CLNK: variants seen among roughly 807,000 people sequenced by gnomAD.
CLNK encodes the protein cytokine-dependent hematopoietic cell linker.
Under a neutral mutation model 68.6 loss-of-function variants are expected in CLNK, and 74 were observed. The ratio of observed to expected loss-of-function variants is 1.08; its 90% CI spans 0.89 to 1.31. The LOEUF is 1.31. Ranked by LOEUF, CLNK falls within the 50% of genes most tolerant of loss-of-function variation. The pLI, the probability that CLNK is intolerant of heterozygous loss-of-function variation, is 0.00. For synonymous variants in CLNK, 198 were observed against 172.2 expected (o/e 1.15, Z -1.17); for missense variants, 553 against 515.3 (o/e 1.07, Z -0.71).
intron 12 of CLNK, among the ~76,000 whole-genome samples, chr4:10,529,771 A>C (rs1718463804): frequency 6.6e-6 from 1 of 152,196 alleles, no homozygotes; most frequent in Non-Finnish European, 1.5e-5. Context: ...AGATGAGAAC[A>C]GTGCAGAGAA....
chr4:10,526,845 G>A (rs1397540470), intron 13 of CLNK, among the ~76,000 whole-genome samples: 1 of 152,116 alleles, frequency 6.6e-6, no homozygotes, highest in Middle Eastern at 3.4e-3. Flanking sequence ...GATTTAACTA[G>A]CCATCCAGAA....
intron 9 of CLNK, 31 bp from the exon 10 acceptor site, chr4:10,542,072 T>C: frequency 1.3e-6 from 2 of 1,575,288 alleles, no homozygotes; most frequent in Non-Finnish European, 1.7e-6. Flanking sequence ...CTAAATTAAG[T>C]TTATTGTTCT....
At chr4:10,711,148 C>T in the CLNK span, among the ~76,000 whole-genome samples, 1 of 152,160 alleles carries the variant, frequency 6.6e-6, no homozygotes. Context: ...TCCTCTGTCT[C>T]TAAAGTTATG....
chr4:10,610,015 C>G (rs1199776472), intron 2 of CLNK, among the ~76,000 whole-genome samples: 1 of 142,524 alleles, frequency 7.0e-6, no homozygotes. Flanking sequence ...TCGTTATGTG[C>G]CTTTTAAATG....
chr4:10,644,758 C>G (rs534154413), intron 2 of CLNK, among the ~76,000 whole-genome samples: 2 of 152,340 alleles, frequency 1.3e-5, no homozygotes, highest in African/African-American at 4.8e-5. Flanking sequence ...TTTTCCTTTT[C>G]TCACTGACTT....
chr4:10,661,203 A>G (rs1242343267), intron 2 of CLNK, among the ~76,000 whole-genome samples: 1 of 152,176 alleles, frequency 6.6e-6, no homozygotes, highest in Non-Finnish European at 1.5e-5. Flanking sequence ...TGGAGTTTAC[A>G]TGGAGTTTTA....
intron 2 of CLNK, among the ~76,000 whole-genome samples, chr4:10,608,272 T>C (rs1721862766): frequency 6.6e-6 from 1 of 152,254 alleles, no homozygotes. Flanking sequence ...CTGAACTTCC[T>C]GCTCAGCTGA....
At chr4:10,726,234 G>A in the CLNK span, among the ~76,000 whole-genome samples, 1 of 152,132 alleles carries the variant, frequency 6.6e-6, no homozygotes, top group Non-Finnish European at 1.5e-5. Flanking sequence ...CGATTCTCCT[G>A]CCTCACGCCT....
chr4:10,558,506 C>T, intron 7 of CLNK, 54 bp from the exon 8 acceptor site: 3 of 1,531,866 alleles, frequency 2.0e-6, no homozygotes, highest in Non-Finnish European at 2.7e-6. Flanking sequence ...ATGACACTAT[C>T]TGATGTCTTG....
chr4:10,611,902 C>T lies in CLNK; in HGVS notation c.12-13853G>A, dbSNP rs533933529. ...AGTCCATCTTTGGAACATGACTCAC[C>T]GGCCCTCCATGGTCTGGTCCCTGAC... On this transcript the variant is annotated intron_variant, in intron 2 of 18. Transcript: ENST00000226951. 3.9e-5 allele frequency among the ~76,000 whole-genome samples: 6 copies of T among 152,232 alleles called. No homozygotes were observed. The East Asian group carries it at 7.7e-4, about 20-fold the overall frequency.
At chr4:10,727,935 C>T in the CLNK span, among the ~76,000 whole-genome samples, 1 of 152,268 alleles carries the variant, frequency 6.6e-6, no homozygotes, top group South Asian at 2.1e-4. Flanking sequence ...TTTTAACAAG[C>T]TCTCTAGGGG....
At chr4:10,720,181 G>A in the CLNK span, among the ~76,000 whole-genome samples, 8 of 152,058 alleles carry the variant, frequency 5.3e-5, 1 homozygote, top group South Asian at 4.2e-4. Context: ...AAAGGAAGCC[G>A]AGAGAAGAAA....
At chr4:10,600,425 T>C (rs1259124099) in intron 2 of CLNK, among the ~76,000 whole-genome samples, 1 of 152,200 alleles carries the variant, frequency 6.6e-6, no homozygotes, top group African/African-American at 2.4e-5. Context: ...GGTATAGTAA[T>C]TAAAGGACAG....
At chr4:10,685,595 A>G (rs1356538354), upstream of CLNK, among the ~76,000 whole-genome samples, 1 of 152,178 alleles carries the variant, frequency 6.6e-6, no homozygotes, top group Non-Finnish European at 1.5e-5. Flanking sequence ...GTTGAATTCC[A>G]TAACAAACTC....
intron 2 of CLNK, among the ~76,000 whole-genome samples, chr4:10,607,125 T>C (rs1357836213): frequency 6.6e-6 from 1 of 152,204 alleles, no homozygotes; most frequent in African/African-American, 2.4e-5. Context: ...TGGTAGTCCA[T>C]TCTAGGCAAC....
chr4:10,559,852 T>C (rs1719819066), intron 7 of CLNK, among the ~76,000 whole-genome samples: 1 of 152,198 alleles, frequency 6.6e-6, no homozygotes, highest in South Asian at 2.1e-4. Context: ...AGGTACATTG[T>C]AACAGATTTT....
intron 8 of CLNK, among the ~76,000 whole-genome samples, chr4:10,552,763 C>A (rs1719512212): frequency 6.6e-6 from 1 of 152,124 alleles, no homozygotes; most frequent in Non-Finnish European, 1.5e-5. Flanking sequence ...GTGTGGCCAG[C>A]CTCGTGTCTA....
At chr4:10,560,966 G>A (rs561079487) in intron 7 of CLNK, among the ~76,000 whole-genome samples, 2 of 148,658 alleles carry the variant, frequency 1.3e-5, no homozygotes, top group Admixed American at 6.7e-5. Context: ...GCATGATCAC[G>A]GCTCACTGCA....
intron 7 of CLNK, among the ~76,000 whole-genome samples, chr4:10,564,060 A>G (rs111630609): frequency 6.6e-6 from 1 of 151,442 alleles, no homozygotes; most frequent in African/African-American, 2.4e-5. Flanking sequence ...TAAAAATAAA[A>G]TTCTATGTAT....
Sources: allele counts gnomAD v4.1 joint callset (sites outside exome capture counted in the v4.1 genomes callset), GRCh38; gene constraint gnomAD v4.1.1; transcripts MANE v1.5; gene names NCBI Gene and HGNC (gene_info 2026-07-23, HGNC 2026-07-21).